USP48: variants seen among roughly 807,000 people sequenced by gnomAD.
USP48 encodes the protein ubiquitin carboxyl-terminal hydrolase 48.
Under a neutral mutation model 150.7 loss-of-function variants are expected in USP48, and 43 were observed. The observed-to-expected ratio is 0.29, with a 90% CI of 0.22 to 0.37. The LOEUF is 0.37. USP48 is among the 10% of genes least tolerant of loss of function. USP48 has a pLI of 1.00. For synonymous variants in USP48, 396 were observed against 425.9 expected, an observed-to-expected ratio of 0.93 and a Z score of 0.86; for missense variants, 813 against 1,249.6, an observed-to-expected ratio of 0.65 and a Z score of 5.27.
intron 14 of USP48, among the ~76,000 whole-genome samples, chr1:21,716,986 C>CCACTG (rs1553127787): frequency 6.6e-6 from 1 of 151,924 alleles, no homozygotes; most frequent in African/African-American, 2.4e-5. Context: ...CCAGATGGCG[C>CCACTG]CACTGCACGA....
chr1:21,769,653 C>T (rs2097873295), intron 1 of USP48, among the ~76,000 whole-genome samples: 1 of 152,094 alleles, frequency 6.6e-6, no homozygotes, highest in Admixed American at 6.6e-5. Flanking sequence ...CTCAAGTGTC[C>T]ACCTACCTCA....
At chr1:21,771,210 C>T (rs2097879200) in intron 1 of USP48, among the ~76,000 whole-genome samples, 1 of 151,876 alleles carries the variant, frequency 6.6e-6, no homozygotes, top group African/African-American at 2.4e-5. Context: ...CCCGTCTCTA[C>T]TAAAAATACA....
At chr1:21,708,895 AAAAAAAAGAAAGAAAAG>A (rs1319287569) in intron 15 of USP48, among the ~76,000 whole-genome samples, 7 of 102,638 alleles carry the variant, frequency 6.8e-5, no homozygotes, top group African/African-American at 1.5e-4. Flanking sequence ...AAAAAAAAAA[AAAAAAAAGAAAGAAAAG>A]AAAAGAAAAG....
chr1:21,754,016 T>C (rs333202), intron 3 of USP48, among the ~76,000 whole-genome samples: 11,569 of 150,602 alleles, frequency 0.077, 499 homozygotes, highest in Middle Eastern at 0.11. Context: ...CAAAAATTAG[T>C]GGGGCATGGT....
At chr1:21,703,123 C>T (rs1306020047) in intron 21 of USP48, among the ~76,000 whole-genome samples, 1 of 152,202 alleles carries the variant, frequency 6.6e-6, no homozygotes, top group African/African-American at 2.4e-5. Context: ...TCCACTTGAC[C>T]CTGCTAAAGT....
Position 21,736,578 on chromosome 1 carries a change from C to T in USP48, c.1039G>A (p.Val347Met). 1 of 1,578,174 alleles carries T rather than the reference C, an allele frequency of 6.3e-7. No homozygotes were observed. Among genetic ancestry groups the T allele is most frequent in the Non-Finnish European group, 8.6e-7 (1 of 1,166,862 alleles). Residue 347 changes from valine (V) to methionine (M), a missense_variant, in exon 9 of 27, where the codon GTG (valine) becomes ATG (methionine). Transcript: ENST00000308271. Reference sequence around the variant, plus strand: ...ATGTAGTGGCCAGAATAAGCACTCACTCCTCTGTGTATGAGGACTGCGCTG... The same window carrying T: ...ATGTAGTGGCCAGAATAAGCACTCATTCCTCTGTGTATGAGGACTGCGCTG... ...ELSAVLIHRG[V>M]SAYSGHYIAH...
intron 1 of USP48, among the ~76,000 whole-genome samples, chr1:21,765,418 C>A (rs921341828): frequency 2.6e-5 from 4 of 152,020 alleles, no homozygotes; most frequent in Non-Finnish European, 4.4e-5. Context: ...GAGTTTGAGA[C>A]CAGCCTGGCT....
chr1:21,731,299 C>A (rs1040070362), intron 9 of USP48, among the ~76,000 whole-genome samples: 1 of 151,838 alleles, frequency 6.6e-6, no homozygotes, highest in Non-Finnish European at 1.5e-5. Flanking sequence ...GAATTTCGCT[C>A]GTCTCCCAGG....
chr1:21,770,724 C>T (rs944319934), intron 1 of USP48, among the ~76,000 whole-genome samples: 34 of 151,542 alleles, frequency 2.2e-4, no homozygotes, highest in South Asian at 4.2e-4. Context: ...TCAGGTGATC[C>T]GCCTGCATCG....
At chr1:21,700,516 T>C (rs559912821) in intron 22 of USP48, among the ~76,000 whole-genome samples, 1 of 152,350 alleles carries the variant, frequency 6.6e-6, no homozygotes, top group South Asian at 2.1e-4. Context: ...CAAGCCCAGA[T>C]ACCTCTGCCC....
intron 23 of USP48, among the ~76,000 whole-genome samples, chr1:21,694,571 C>CCAAAAAAAAAAAAAAAA (rs2097616691): frequency 1.6e-4 from 1 of 6,344 alleles, no homozygotes; most frequent in African/African-American, 1.0e-3. Context: ...CTCTGTCTCA[C>CCAAAAAAAAAAAAAAAA]CAAAAAAAAA....
intron 1 of USP48, 92 bp downstream of exon 1, chr1:21,782,732 G>T: frequency 7.1e-7 from 1 of 1,413,748 alleles, no homozygotes; most frequent in Non-Finnish European, 9.2e-7. Context: ...CCAAATGCAC[G>T]CAAAGGGCTG....
At chr1:21,737,905 T>G (rs1189466928) in intron 8 of USP48, among the ~76,000 whole-genome samples, 1 of 152,140 alleles carries the variant, frequency 6.6e-6, no homozygotes, top group Non-Finnish European at 1.5e-5. Context: ...GACAATTTTT[T>G]TTTTTTTCCC....
At chr1:21,777,891 G>A (rs575099915) in intron 1 of USP48, among the ~76,000 whole-genome samples, 1 of 151,624 alleles carries the variant, frequency 6.6e-6, no homozygotes, top group African/African-American at 2.4e-5. Context: ...ACTTTGGGAG[G>A]CTGAGGTGGG....
intron 10 of USP48, among the ~76,000 whole-genome samples, chr1:21,729,006 C>T (rs1270977030): frequency 2.0e-5 from 3 of 152,138 alleles, no homozygotes; most frequent in Admixed American, 6.5e-5. Context: ...TGACGCCAGG[C>T]GGGCGCAGTG....
At chr1:21,723,526 AAAG>A (rs1420782735) in intron 12 of USP48, among the ~76,000 whole-genome samples, 4 of 151,938 alleles carry the variant, frequency 2.6e-5, no homozygotes, top group Non-Finnish European at 1.5e-5. Flanking sequence ...AAAAAAAAAA[AAAG>A]AAGTCACCAT....
At chr1:21,741,441 A>G (rs2097781364) in intron 8 of USP48, among the ~76,000 whole-genome samples, 2 of 152,222 alleles carry the variant, frequency 1.3e-5, no homozygotes, top group African/African-American at 2.4e-5. Flanking sequence ...TGCTTAGAGA[A>G]AATGAATTTC....
At chr1:21,689,946 T>A in intron 24 of USP48, 28 bp downstream of exon 24, 1 of 1,610,566 alleles carries the variant, frequency 6.2e-7, no homozygotes, top group Non-Finnish European at 8.5e-7. Flanking sequence ...AAACCTTGAG[T>A]TCTTCAGCTA....
At chr1:21,754,024 G>A (rs2097824724) in intron 3 of USP48, among the ~76,000 whole-genome samples, 3 of 151,716 alleles carry the variant, frequency 2.0e-5, no homozygotes, top group Admixed American at 2.0e-4. Context: ...AGTGGGGCAT[G>A]GTAGTACACG....
Sources: gnomAD v4.1 joint callset for allele counts (sites outside exome capture counted in the v4.1 genomes callset) on GRCh38, gnomAD v4.1.1 for gene constraint, MANE v1.5 for transcripts, NCBI Gene and HGNC (gene_info 2026-07-23, HGNC 2026-07-21) for gene names.